Variants in NREP observed in about 807,000 individuals in gnomAD.
The protein encoded by NREP is neuronal regeneration-related protein.
Under a neutral mutation model 8.6 loss-of-function variants are expected in NREP, and 5 were observed. The ratio of observed to expected loss-of-function variants is 0.58; its 90% CI spans 0.30 to 1.22. NREP has a LOEUF of 1.22. NREP is among the 50% of genes most tolerant of loss of function. The pLI is 0.07. For synonymous variants in NREP, 27 were observed against 28.0 expected (o/e 0.96, Z 0.11); for missense variants, 86 against 82.5 (o/e 1.04, Z -0.17).
intron 2 of NREP, among the ~76,000 whole-genome samples, chr5:111,915,424 A>C (rs149672423): frequency 1.6e-3 from 244 of 151,806 alleles, no homozygotes; most frequent in Non-Finnish European, 2.7e-3. Context: ...AGCTCACATT[A>C]AAAAAAAGGC....
intron 2 of NREP, among the ~76,000 whole-genome samples, chr5:111,745,201 C>T (rs1749926420): frequency 6.6e-6 from 1 of 152,120 alleles, no homozygotes; most frequent in South Asian, 2.1e-4. Context: ...CATAAGTAAG[C>T]AGATCTGTGT....
intron 2 of NREP, among the ~76,000 whole-genome samples, chr5:111,831,631 C>T (rs892061240): frequency 6.6e-6 from 1 of 152,198 alleles, no homozygotes; most frequent in Non-Finnish European, 1.5e-5. Context: ...AGTTTGTTCA[C>T]TGTAGGTGGC....
intron 2 of NREP, among the ~76,000 whole-genome samples, chr5:111,846,864 G>T (rs1581162523): frequency 6.6e-6 from 1 of 152,048 alleles, no homozygotes; most frequent in Admixed American, 6.6e-5. Flanking sequence ...TAATTTAAGA[G>T]AATTTGATTA....
chr5:111,935,155 C>T, intron 2 of NREP, among the ~76,000 whole-genome samples: 1 of 152,086 alleles, frequency 6.6e-6, no homozygotes, highest in East Asian at 1.9e-4. Context: ...TCCTTTGATA[C>T]ATTGCACTCA....
At chr5:111,947,482 C>T (rs561480223) in intron 2 of NREP, among the ~76,000 whole-genome samples, 13 of 151,904 alleles carry the variant, frequency 8.6e-5, no homozygotes, top group African/African-American at 3.1e-4. Flanking sequence ...TTGTATTATG[C>T]AATTATAATA....
chr5:111,746,283 G>A (rs1411504886), intron 2 of NREP, among the ~76,000 whole-genome samples: 1 of 151,994 alleles, frequency 6.6e-6, no homozygotes, highest in African/African-American at 2.4e-5. Context: ...AAGATTAAAT[G>A]AAAAGATGTG....
chr5:111,831,709 G>T (rs1376748680), intron 2 of NREP, among the ~76,000 whole-genome samples: 1 of 152,082 alleles, frequency 6.6e-6, no homozygotes, highest in Non-Finnish European at 1.5e-5. Context: ...AAGCAGTATG[G>T]GTATTATCCA....
intron 2 of NREP, among the ~76,000 whole-genome samples, chr5:111,830,643 G>C (rs75623948): frequency 1.3e-5 from 2 of 152,192 alleles, no homozygotes; most frequent in African/African-American, 4.8e-5. Flanking sequence ...GAGAAGGTGT[G>C]ATTAGGGGTG....
chr5:111,800,848 A>T (rs964219592), intron 2 of NREP, among the ~76,000 whole-genome samples: 1 of 152,226 alleles, frequency 6.6e-6, no homozygotes, highest in African/African-American at 2.4e-5. Context: ...AACCCGTTAC[A>T]TGCATGTTCT....
chr5:111,934,573 T>A (rs960988012), intron 2 of NREP, among the ~76,000 whole-genome samples: 1 of 152,062 alleles, frequency 6.6e-6, no homozygotes, highest in Non-Finnish European at 1.5e-5. Flanking sequence ...CTAGGCTCAC[T>A]GAGTCTATTT....
At chr5:111,779,439 C>G (rs1640098146) in intron 2 of NREP, among the ~76,000 whole-genome samples, 2 of 152,168 alleles carry the variant, frequency 1.3e-5, no homozygotes, top group African/African-American at 4.8e-5. Context: ...AGTCTTAGCT[C>G]ATTGCCCCAG....
At chr5:111,915,781 T>C (rs1307103143) in intron 2 of NREP, among the ~76,000 whole-genome samples, 1 of 152,202 alleles carries the variant, frequency 6.6e-6, no homozygotes, top group Non-Finnish European at 1.5e-5. Flanking sequence ...TTTTCTGTTA[T>C]AATTGAGTCT....
At chr5:111,896,590 T>C (rs968602738) in intron 2 of NREP, among the ~76,000 whole-genome samples, 1 of 152,162 alleles carries the variant, frequency 6.6e-6, no homozygotes, top group African/African-American at 2.4e-5. Flanking sequence ...CTACCAACCA[T>C]TTAAACCGGA....
At chr5:111,926,077 T>C (rs1449109321) in intron 2 of NREP, among the ~76,000 whole-genome samples, 8 of 152,166 alleles carry the variant, frequency 5.3e-5, no homozygotes, top group Admixed American at 4.6e-4. Context: ...AAAGCCTCTA[T>C]ATAACTGCTG....
intron 2 of NREP, among the ~76,000 whole-genome samples, chr5:111,867,850 T>A (rs1214050571): frequency 6.6e-6 from 1 of 152,124 alleles, no homozygotes; most frequent in Non-Finnish European, 1.5e-5. Context: ...TAACAAAAAT[T>A]ACCATTTTAA....
At chr5:111,778,856 G>A (rs189106743) in intron 2 of NREP, among the ~76,000 whole-genome samples, 57 of 152,194 alleles carry the variant, frequency 3.7e-4, no homozygotes, top group African/African-American at 1.3e-3. Context: ...AACAGCATAC[G>A]ATGATTTTTT....
At chr5:111,945,524 G>T (rs1190357103) in intron 2 of NREP, among the ~76,000 whole-genome samples, 1 of 6,820 alleles carries the variant, frequency 1.5e-4, no homozygotes, top group Non-Finnish European at 1.2e-3. Flanking sequence ...GAAGAAAAAG[G>T]AAAAAGAAGA....
chr5:111,969,183 T>C (rs569885399), intron 2 of NREP, among the ~76,000 whole-genome samples: 16 of 152,364 alleles, frequency 1.1e-4, no homozygotes, highest in Admixed American at 1.0e-3. Context: ...TGTTGCCTGC[T>C]CAATGACACG....
chr5:111,848,292 A>T (rs2112957752), intron 2 of NREP, among the ~76,000 whole-genome samples: 1 of 152,292 alleles, frequency 6.6e-6, no homozygotes, highest in African/African-American at 2.4e-5. Context: ...ATATATTTCT[A>T]GTTCTTTATT....
Sources: gnomAD v4.1 joint callset for allele counts (sites outside exome capture counted in the v4.1 genomes callset) on GRCh38, gnomAD v4.1.1 for gene constraint, MANE v1.5 for transcripts, NCBI Gene and HGNC (gene_info 2026-07-23, HGNC 2026-07-21) for gene names.